Variants in PTN observed in about 807,000 individuals in gnomAD.
The protein encoded by PTN is heparin affin regulatory protein.
In PTN, 18 loss-of-function variants were observed where a neutral mutation model predicts 24.1. That is an observed-to-expected ratio of 0.75 (90% CI 0.52 to 1.11). The LOEUF (loss-of-function observed/expected upper bound fraction) is 1.11. Ranked by LOEUF, PTN falls within the 50% of genes least tolerant of loss-of-function variation. The pLI, the probability that PTN is intolerant of heterozygous loss-of-function variation, is 0.00. For synonymous variants in PTN, 78 were observed against 68.6 expected (o/e 1.14, Z -0.67); for missense variants, 163 against 198.8 (o/e 0.82, Z 1.08).
At chr7:137,302,841 A>G (rs1001213849) in intron 1 of PTN, among the ~76,000 whole-genome samples, 1 of 151,990 alleles carries the variant, frequency 6.6e-6, no homozygotes, top group African/African-American at 2.4e-5. Context: ...AAATAGCTCA[A>G]AATAACTCAA....
At chr7:137,275,153 A>C (rs1357356221) in intron 1 of PTN, among the ~76,000 whole-genome samples, 3 of 152,306 alleles carry the variant, frequency 2.0e-5, no homozygotes, top group African/African-American at 7.2e-5. Context: ...CCCCCAAAAA[A>C]CATCAGAGGC....
intron 1 of PTN, among the ~76,000 whole-genome samples, chr7:137,342,832 C>T (rs1810556979): frequency 6.6e-6 from 1 of 152,096 alleles, no homozygotes; most frequent in African/African-American, 2.4e-5. Flanking sequence ...GTCTTCTAAA[C>T]TTTGGACCTA....
intron 1 of PTN, among the ~76,000 whole-genome samples, chr7:137,257,644 G>A (rs1010669095): frequency 1.3e-5 from 2 of 152,152 alleles, no homozygotes; most frequent in Non-Finnish European, 2.9e-5. Flanking sequence ...CATTTCAATT[G>A]TTTAAAAGGG....
intron 1 of PTN, among the ~76,000 whole-genome samples, chr7:137,266,867 CCTTTTTTT>C: frequency 1.1e-5 from 1 of 92,030 alleles, no homozygotes; most frequent in East Asian, 3.4e-4. Flanking sequence ...GTATAGATGG[CCTTTTTTT>C]TTTTTTTTTT....
At chr7:137,292,417 G>A (rs1011176421) in intron 1 of PTN, among the ~76,000 whole-genome samples, 1 of 152,096 alleles carries the variant, frequency 6.6e-6, no homozygotes, top group Admixed American at 6.6e-5. Context: ...CTGTTCTCAT[G>A]GTAGTGAATA....
At chr7:137,267,188 CTT>C (rs765716255) in intron 1 of PTN, among the ~76,000 whole-genome samples, 9 of 152,050 alleles carry the variant, frequency 5.9e-5, no homozygotes, top group Non-Finnish European at 8.8e-5. Flanking sequence ...CTCTCTCTGA[CTT>C]TCCTTTTGCC....
chr7:137,273,527 C>G (rs554888145), intron 1 of PTN, among the ~76,000 whole-genome samples: 5 of 152,246 alleles, frequency 3.3e-5, no homozygotes, highest in African/African-American at 9.6e-5. Context: ...GAGGAACTAC[C>G]AAATACTTAT....
chr7:137,330,304 GGAGAAGGAGAAA>G (rs1189423558), intron 1 of PTN, among the ~76,000 whole-genome samples: 43 of 151,896 alleles, frequency 2.8e-4, no homozygotes, highest in African/African-American at 9.9e-4. Flanking sequence ...TGAAGAAGAT[GGAGAAGGAGAAA>G]GAGAAGGAGG....
chr7:137,281,266 C>A (rs961259156), intron 1 of PTN, among the ~76,000 whole-genome samples: 7 of 150,426 alleles, frequency 4.7e-5, no homozygotes, highest in Non-Finnish European at 8.9e-5. Context: ...AAAAAAAAAA[C>A]GTAGAAATAG....
chr7:137,321,698 C>T (rs1005267432), intron 1 of PTN, among the ~76,000 whole-genome samples: 4 of 152,080 alleles, frequency 2.6e-5, no homozygotes, highest in East Asian at 1.9e-4. Context: ...TTCTCAGTAG[C>T]GCTATGGCCA....
chr7:137,275,214 G>T (rs1023345019), intron 1 of PTN, among the ~76,000 whole-genome samples: 1 of 152,180 alleles, frequency 6.6e-6, no homozygotes, highest in Non-Finnish European at 1.5e-5. Flanking sequence ...TTTAGACTTT[G>T]ATAAGTAAAC....
intron 1 of PTN, among the ~76,000 whole-genome samples, chr7:137,319,227 C>T (rs554874211): frequency 5.9e-5 from 9 of 152,316 alleles, no homozygotes; most frequent in African/African-American, 2.2e-4. Flanking sequence ...AATTCCTCAT[C>T]TGTAAAATGG....
rs1396444122 is a variant in PTN, at chr7:137,310,387, C to T, written c.-2+33052G>A. Among the ~76,000 whole-genome samples the T allele has an allele frequency of 2.3e-5, 3 of 131,724 alleles. No homozygotes were observed. The East Asian group carries it at 7.1e-4, about 31-fold the overall frequency. The allele number at this position is 131,724 out of a possible 152,430, so 86.4% of individuals were successfully genotyped here. A position where few individuals can be genotyped will look rare whatever the true frequency, so the allele number is the denominator to read the frequency against. On this transcript the variant is annotated intron_variant, in intron 1 of 4. Coordinates refer to ENST00000348225, the MANE Select transcript of PTN (RefSeq NM_002825.7). ...AGCAGTGTCTTCAAATTCAAGTTAC[C>T]ATGTTTTTTTTTTTTTGTTTTTTTT...
At chr7:137,300,012 C>T (rs1424417132) in intron 1 of PTN, among the ~76,000 whole-genome samples, 1 of 151,600 alleles carries the variant, frequency 6.6e-6, no homozygotes, top group Non-Finnish European at 1.5e-5. Context: ...GGGCTAAGCA[C>T]ATGAGGAAGA....
At chr7:137,274,579 G>A (rs533254926) in intron 1 of PTN, among the ~76,000 whole-genome samples, 1 of 151,898 alleles carries the variant, frequency 6.6e-6, no homozygotes, top group Admixed American at 6.6e-5. Flanking sequence ...GTTCTCATCA[G>A]AACAGTATTT....
intron 1 of PTN, among the ~76,000 whole-genome samples, chr7:137,323,733 C>T (rs1435959159): frequency 6.6e-6 from 1 of 152,108 alleles, no homozygotes. Flanking sequence ...GTCTCAAACT[C>T]GATCATGTAT....
Position 137,295,485 on chromosome 7 carries a change from C to T in PTN, c.-1-40511G>A, listed in dbSNP as rs1220729153. ...TTTTTAAATCAAATAGGCACTAGTC[C>T]CATGTGACTGGTGAATACTTAAAAT... On this transcript the variant is annotated intron_variant, in intron 1 of 4. Coordinates refer to ENST00000348225, the MANE Select transcript of PTN (RefSeq NM_002825.7). Among the ~76,000 whole-genome samples, 3 of 151,830 alleles carry T rather than the reference C, an allele frequency of 2.0e-5. No homozygotes were observed. In the East Asian group the frequency reaches 5.9e-4, roughly 30 times the overall value.
At chr7:137,270,338 GCTAGAAGTT>G (rs1438309762) in intron 1 of PTN, among the ~76,000 whole-genome samples, 4 of 152,202 alleles carry the variant, frequency 2.6e-5, no homozygotes. Context: ...ACCACTTATA[GCTAGAAGTT>G]CTTTTATAAG....
intron 1 of PTN, among the ~76,000 whole-genome samples, chr7:137,273,283 C>T (rs1046101029): frequency 6.6e-6 from 1 of 152,226 alleles, no homozygotes; most frequent in Non-Finnish European, 1.5e-5. Context: ...ATAACACCCA[C>T]TTACACATCT....
Sources: gnomAD v4.1 joint callset for allele counts (sites outside exome capture counted in the v4.1 genomes callset) on GRCh38, gnomAD v4.1.1 for gene constraint, MANE v1.5 for transcripts, NCBI Gene and HGNC (gene_info 2026-07-23, HGNC 2026-07-21) for gene names.